RTN4: variants seen among roughly 807,000 people sequenced by gnomAD.
RTN4 encodes reticulon 4.
In RTN4, 32 loss-of-function variants were observed where a neutral mutation model predicts 90.4. The observed-to-expected ratio is 0.35, with a 90% CI of 0.27 to 0.48. The LOEUF (loss-of-function observed/expected upper bound fraction) is 0.48, where lower values mean the gene tolerates loss of function less well. RTN4 is among the 20% of genes least tolerant of loss of function. RTN4 has a pLI of 0.99. For synonymous variants in RTN4, 629 were observed against 552.5 expected (o/e 1.14, Z -1.94); for missense variants, 1,706 against 1,430.2 (o/e 1.19, Z -3.11).
At chr2:54,989,153 A>G (rs576079798) in intron 3 of RTN4, among the ~76,000 whole-genome samples, 18 of 152,280 alleles carry the variant, frequency 1.2e-4, no homozygotes, top group South Asian at 1.0e-3. Context: ...ACAATGTTGG[A>G]TATTAGTACA....
At chr2:55,078,570 C>A (rs570255473) in intron 2 of RTN4, among the ~76,000 whole-genome samples, 65 of 152,338 alleles carry the variant, frequency 4.3e-4, no homozygotes, top group African/African-American at 1.5e-3. Flanking sequence ...TTCCTTTCTT[C>A]CTTCCTTCAA....
At chr2:55,015,947 T>C (rs1403462676) in intron 3 of RTN4, among the ~76,000 whole-genome samples, 1 of 152,246 alleles carries the variant, frequency 6.6e-6, no homozygotes, top group Non-Finnish European at 1.5e-5. Context: ...GGCCAATTTT[T>C]ATACAAACCC....
chr2:55,119,825 C>T, the RTN4 span, among the ~76,000 whole-genome samples: 969 of 152,248 alleles, frequency 6.4e-3, 3 homozygotes, highest in Non-Finnish European at 0.011. Flanking sequence ...GTTGAGAAAA[C>T]GGGATTAGCT....
the RTN4 span, among the ~76,000 whole-genome samples, chr2:55,128,799 GA>G: frequency 6.5e-4 from 93 of 143,522 alleles, 1 homozygote; most frequent in South Asian, 2.4e-3. Flanking sequence ...TAAGAAAAAA[GA>G]AAAAAAAAAA....
At position 55,049,960 on chromosome 2, in the gene RTN4, G is replaced by A. The variant is rs878992339; in HGVS notation, c.341C>T (p.Ser114Leu). The change falls in exon 1 of 9, where the codon TCG becomes TTG. Residue 114 changes from serine (S) to leucine (L), a missense_variant. Ser to Leu is a moderately radical substitution (Grantham distance 145). Coordinates refer to ENST00000337526, the MANE Select transcript of RTN4 (RefSeq NM_020532.5). ...RQPSWDPSPV[S>L]STVPAPSPLS... ...CGGGGATGGCGCGGGCACGGTCGAC[G>A]ACACCGGGCTCGGGTCCCAAGACGG... is the stretch of plus-strand genomic sequence containing the variant. 5.1e-6 allele frequency: 7 copies of A among 1,363,706 alleles called. No homozygotes were observed. The highest frequency in any genetic ancestry group is 3.9e-5 in the Admixed American group (1 of 25,528). 84.5% of individuals were successfully genotyped at this position (1,363,706 alleles called of 1,614,324 possible).
chr2:55,088,393 G>A (rs1242703239), intron 1 of RTN4, among the ~76,000 whole-genome samples: 3 of 152,194 alleles, frequency 2.0e-5, no homozygotes, highest in African/African-American at 4.8e-5. Context: ...TTAACTGTTA[G>A]GGATTTAATA....
In RTN4 at chr2:55,050,166, C is replaced by T. The variant is rs753825026; in HGVS notation, c.135G>A (p.Glu45=). ...CCTCCAGCTCCTCCAGGTCTTCGTCCTCGTCCTCCTCTTCCTCCTCCTCTT... is the reference window on the plus strand; with the variant it reads ...CCTCCAGCTCCTCCAGGTCTTCGTCTTCGTCCTCCTCTTCCTCCTCCTCTT... ...EEEEEEEEED[E]DEDLEELEVL... The change falls in exon 1 of 9, where the codon GAG becomes GAA. Residue 45 remains glutamate (E), a synonymous_variant. Transcript: ENST00000337526. This position sits in a 1 kb window ranked among gnomAD's most constrained non-coding sequence, Gnocchi z 4.6. 2.2e-5 allele frequency: 34 copies of T among 1,565,530 alleles called. No individual in the cohort carries two copies. The highest frequency in any genetic ancestry group is 2.8e-5 in the Non-Finnish European group (32 of 1,162,726).
intron 1 of RTN4, among the ~76,000 whole-genome samples, chr2:55,039,135 T>C (rs1682889804): frequency 6.6e-6 from 1 of 152,350 alleles, no homozygotes; most frequent in Non-Finnish European, 1.5e-5. Flanking sequence ...GACTGACTGC[T>C]AAGGACCCAA....
chr2:55,080,719 A>C (rs1438553349), intron 1 of RTN4: 1 of 152,210 alleles, frequency 6.6e-6, no homozygotes, highest in Non-Finnish European at 1.5e-5. Context: ...TTATTTTACA[A>C]TATTCTCCCC....
Position 55,030,503 on chromosome 2 carries a change from C to T in RTN4, c.557-2283G>A, listed in dbSNP as rs532484451. On this transcript the variant is annotated intron_variant, in intron 1 of 8. Transcript: ENST00000337526. ...ATCACAGATCATGAAATTGAATTGC[C>T]TAAGTCCAAATCACAAATCCATCAC... Among the ~76,000 whole-genome samples the T allele has an allele frequency of 2.0e-5, 3 of 152,158 alleles. No homozygotes were observed. In the South Asian group the frequency reaches 6.2e-4, roughly 32 times the overall value.
chr2:55,005,332 G>A (rs1680135017), intron 3 of RTN4, among the ~76,000 whole-genome samples: 1 of 152,090 alleles, frequency 6.6e-6, no homozygotes, highest in Admixed American at 6.6e-5. Context: ...AAAATAGAAA[G>A]GCTATTTCCA....
Position 55,089,499 on chromosome 2 carries a change from T to C in RTN4, c.-213-8860A>G, listed in dbSNP as rs565527350. On this transcript the variant is annotated intron_variant, in intron 1 of 3. Coordinates refer to the RTN4 transcript ENST00000427710. Reference sequence around the variant, plus strand: ...ATCCCGTTTTGGTCAGCCCAGCCACTTTCCGGCATGATCTGCCAGGTAATT... The same window carrying C: ...ATCCCGTTTTGGTCAGCCCAGCCACCTTCCGGCATGATCTGCCAGGTAATT... Among the ~76,000 whole-genome samples the C allele has an allele frequency of 3.3e-5, 5 of 152,334 alleles. No homozygotes were observed. The East Asian group carries it at 9.6e-4, about 29-fold the overall frequency.
At chr2:54,982,410 T>C in intron 5 of RTN4, 105 bp downstream of exon 5, 1 of 965,452 alleles carries the variant, frequency 1.0e-6, no homozygotes, top group East Asian at 2.7e-5. Context: ...TGTGATTTAA[T>C]TAATATTTAT....
At chr2:55,086,543 G>A (rs1056913390) in intron 1 of RTN4, among the ~76,000 whole-genome samples, 26 of 151,718 alleles carry the variant, frequency 1.7e-4, no homozygotes, top group African/African-American at 5.6e-4. Flanking sequence ...GGTGGTATGC[G>A]CCTGTAGTTC....
chr2:55,056,348 T>G (rs1461106221), intron 2 of RTN4: 1 of 152,084 alleles, frequency 6.6e-6, no homozygotes, highest in Non-Finnish European at 1.5e-5. Flanking sequence ...AACCCTTATT[T>G]TACGTAATAA....
rs957436897 is a variant in RTN4, at chr2:54,987,778, C to T, written c.3014-80G>A. The stretch of plus-strand genomic sequence containing the variant: ...TGCTCCATCTATGAAAACAAAAACG[C>T]TACTACATAAAGTAAAATCAAACCT... On this transcript the variant is annotated intron_variant, in intron 3 of 8. Coordinates refer to ENST00000337526, the MANE Select transcript of RTN4 (RefSeq NM_020532.5). The T allele has an allele frequency of 2.4e-5, 26 of 1,073,498 alleles. No individual in the cohort carries two copies. The African/African-American group carries it at 4.1e-4, about 17-fold the overall frequency. The allele number at this position is 1,073,498 out of a possible 1,614,324, so 66.5% of individuals were successfully genotyped here. A position where few individuals can be genotyped will look rare whatever the true frequency, so the allele number is the denominator to read the frequency against.
chr2:55,049,255 C>T, intron 1 of RTN4: 1 of 814,556 alleles, frequency 1.2e-6, no homozygotes, highest in Non-Finnish European at 1.5e-6. Flanking sequence ...GGAGGGAGCC[C>T]GGGGCAGAAT....
rs138765819 is a variant in RTN4 at position 55,013,011 on chromosome 2, A to G, written c.3013+12075T>C. ...AAAAAAATTAATTCTTTTGAGGACA[A>G]TTTTCAAGTAGAGCACATGTCTCAA... On this transcript the variant is annotated intron_variant, in intron 3 of 8. Coordinates refer to ENST00000337526, the MANE Select transcript of RTN4 (RefSeq NM_020532.5). Among the ~76,000 whole-genome samples the G allele has an allele frequency of 9.5e-4, 144 of 152,242 alleles. 1 individual carries two copies. The highest frequency in any genetic ancestry group is 3.4e-3 in the African/African-American group (140 of 41,556).
chr2:55,103,675 T>C (rs546238220), intron 1 of RTN4, among the ~76,000 whole-genome samples: 1 of 152,224 alleles, frequency 6.6e-6, no homozygotes, highest in African/African-American at 2.4e-5. Flanking sequence ...TCTATACAGT[T>C]GTATACTTTA....
Sources: allele counts gnomAD v4.1 joint callset (sites outside exome capture counted in the v4.1 genomes callset), GRCh38; gene constraint gnomAD v4.1.1; non-coding constraint Gnocchi (gnomAD v3.1); transcripts MANE v1.5; gene names NCBI Gene and HGNC (gene_info 2026-07-23, HGNC 2026-07-21).